Variants in KIAA0825 observed in about 807,000 individuals in gnomAD.
The protein encoded by KIAA0825 is uncharacterized protein KIAA0825.
KIAA0825 carries 119 observed loss-of-function variants against 147.6 expected under a neutral mutation model. The ratio of observed to expected loss-of-function variants is 0.81; its 90% CI spans 0.69 to 0.94. The LOEUF is 0.94. KIAA0825 is among the 40% of genes least tolerant of loss of function. The probability of loss-of-function intolerance (pLI) is 0.00; values close to 1 mark genes in which losing one functional copy is unlikely to be tolerated. For missense variants in KIAA0825, 1,381 were observed against 1,472.7 expected (o/e 0.94, Z 1.02); for synonymous variants, 470 against 518.1 (o/e 0.91, Z 1.26).
At chr5:94,364,339 A>G in intron 20 of KIAA0825, among the ~76,000 whole-genome samples, 1 of 148,486 alleles carries the variant, frequency 6.7e-6, no homozygotes, top group Admixed American at 6.6e-5. Context: ...TGTAGAAGTC[A>G]TTAACACGGA....
At chr5:94,360,234 C>G (rs1446698769) in intron 20 of KIAA0825, among the ~76,000 whole-genome samples, 2 of 152,040 alleles carry the variant, frequency 1.3e-5, no homozygotes, top group African/African-American at 4.8e-5. Context: ...CTTCTGATGG[C>G]AATTCACCGA....
intron 20 of KIAA0825, among the ~76,000 whole-genome samples, chr5:94,353,248 A>G (rs1783893173): frequency 6.6e-6 from 1 of 152,246 alleles, no homozygotes; most frequent in Non-Finnish European, 1.5e-5. Context: ...TTAACATTTT[A>G]AAAGATTCTC....
intron 20 of KIAA0825, among the ~76,000 whole-genome samples, chr5:94,372,743 A>T (rs1746909095): frequency 1.3e-5 from 2 of 152,218 alleles, no homozygotes; most frequent in African/African-American, 4.8e-5. Flanking sequence ...TGTCTTGGTG[A>T]TTAACATTCA....
At chr5:94,226,850 C>T (rs1354432512) in intron 20 of KIAA0825, among the ~76,000 whole-genome samples, 3 of 151,986 alleles carry the variant, frequency 2.0e-5, no homozygotes, top group African/African-American at 7.2e-5. Flanking sequence ...CAATGAGATA[C>T]CATCTCACGC....
chr5:94,259,118 G>A (rs1776374623), intron 20 of KIAA0825, among the ~76,000 whole-genome samples: 1 of 151,994 alleles, frequency 6.6e-6, no homozygotes. Context: ...TTTTTCATTT[G>A]TAGTGTTATA....
chr5:94,563,000 A>C (rs773332207), intron 2 of KIAA0825, among the ~76,000 whole-genome samples: 12 of 152,178 alleles, frequency 7.9e-5, no homozygotes, highest in Non-Finnish European at 1.6e-4. Flanking sequence ...TTTTACCCGT[A>C]GACACTATTG....
At chr5:94,174,284 T>C (rs1399720493) in intron 20 of KIAA0825, among the ~76,000 whole-genome samples, 1 of 152,152 alleles carries the variant, frequency 6.6e-6, no homozygotes, top group East Asian at 1.9e-4. Flanking sequence ...CCAAGATAAA[T>C]TGAGACTCTA....
intron 20 of KIAA0825, among the ~76,000 whole-genome samples, chr5:94,349,808 C>T (rs1783435260): frequency 6.6e-6 from 1 of 152,034 alleles, no homozygotes; most frequent in South Asian, 2.1e-4. Context: ...AGTTCGTAGC[C>T]CTAAACGCCT....
At chr5:94,236,902 A>G (rs1332680000) in intron 20 of KIAA0825, among the ~76,000 whole-genome samples, 2 of 152,228 alleles carry the variant, frequency 1.3e-5, no homozygotes, top group African/African-American at 4.8e-5. Flanking sequence ...TGCACACTTA[A>G]TAGACTACAG....
chr5:94,490,096 G>GA (rs1489873159), intron 5 of KIAA0825, among the ~76,000 whole-genome samples: 1 of 151,912 alleles, frequency 6.6e-6, no homozygotes, highest in Non-Finnish European at 1.5e-5. Flanking sequence ...CTGCTGTTAG[G>GA]AAAAAAACCT....
At chr5:94,324,440 G>T (rs1227868598) in intron 20 of KIAA0825, among the ~76,000 whole-genome samples, 5 of 151,846 alleles carry the variant, frequency 3.3e-5, no homozygotes, top group Non-Finnish European at 7.4e-5. Context: ...AGATAAAGAG[G>T]ATGCAATTTT....
At chr5:94,323,490 G>A (rs1017526100) in intron 20 of KIAA0825, among the ~76,000 whole-genome samples, 3 of 150,960 alleles carry the variant, frequency 2.0e-5, no homozygotes, top group Non-Finnish European at 4.4e-5. Flanking sequence ...AGAGAGCAAC[G>A]GACATTTGGG....
At chr5:94,412,128 C>A (rs537835525) in intron 15 of KIAA0825, among the ~76,000 whole-genome samples, 1 of 151,974 alleles carries the variant, frequency 6.6e-6, no homozygotes, top group African/African-American at 2.4e-5. Context: ...AGTAAGACAA[C>A]CAATTAATAA....
At chr5:94,594,622 A>G (rs529025330) in intron 1 of KIAA0825, 155 of 659,862 alleles carry the variant, frequency 2.3e-4, no homozygotes, top group African/African-American at 2.1e-3. Context: ...TTTTGTAGAA[A>G]TATCCTTCAC....
intron 5 of KIAA0825, among the ~76,000 whole-genome samples, chr5:94,485,181 T>C (rs1190824335): frequency 1.3e-5 from 2 of 151,762 alleles, no homozygotes; most frequent in Non-Finnish European, 3.0e-5. Context: ...GAGTTATAAA[T>C]AGAAATTTGA....
intron 20 of KIAA0825, among the ~76,000 whole-genome samples, chr5:94,159,299 A>G (rs1055854263): frequency 6.6e-6 from 1 of 152,140 alleles, no homozygotes; most frequent in African/African-American, 2.4e-5. Context: ...GATATTGAAC[A>G]TATTTCTTAA....
At chr5:94,396,000 A>G in intron 17 of KIAA0825, 101 bp downstream of exon 17, 2 of 1,137,664 alleles carry the variant, frequency 1.8e-6, no homozygotes, top group Non-Finnish European at 2.4e-6. Context: ...ATTTAGCAAA[A>G]TACTACTGCT....
At chr5:94,464,768 G>T in intron 11 of KIAA0825, 101 bp downstream of exon 11, 1 of 941,898 alleles carries the variant, frequency 1.1e-6, no homozygotes, top group Non-Finnish European at 1.5e-6. Flanking sequence ...TTAGAAACAT[G>T]TTAAATATAT....
intron 20 of KIAA0825, among the ~76,000 whole-genome samples, chr5:94,375,033 CTTT>C (rs35435550): frequency 5.4e-5 from 7 of 130,484 alleles, no homozygotes; most frequent in African/African-American, 8.6e-5. Context: ...CTTTCCTTCT[CTTT>C]TTTTTTTTTT....
Sources: gnomAD v4.1 joint callset for allele counts (sites outside exome capture counted in the v4.1 genomes callset) on GRCh38, gnomAD v4.1.1 for gene constraint, MANE v1.5 for transcripts, NCBI Gene and HGNC (gene_info 2026-07-23, HGNC 2026-07-21) for gene names.